Variants in C2orf69 observed in about 807,000 individuals in gnomAD.
The protein encoded by C2orf69 is chromosome 2 open reading frame 69.
C2orf69 carries 19 observed loss-of-function variants against 29.5 expected under a neutral mutation model. The ratio of observed to expected loss-of-function variants is 0.65; its 90% CI spans 0.45 to 0.95. The LOEUF is 0.95. C2orf69 is among the 40% of genes least tolerant of loss of function. The pLI is 0.00. For missense variants in C2orf69, 416 were observed against 482.1 expected, an observed-to-expected ratio of 0.86 and a Z score of 1.28; for synonymous variants, 194 against 180.0, an observed-to-expected ratio of 1.08 and a Z score of -0.62.
Position 199,925,836 on chromosome 2 carries a change from A to G in C2orf69, c.1108A>G (p.Lys370Glu), listed in dbSNP as rs758196949. ...MQVTSQIHFTKEAPSIENHFR... is the reference protein window; with the variant it reads ...MQVTSQIHFTEEAPSIENHFR... The stretch of plus-strand genomic sequence containing the variant: ...GGTGACTAGCCAAATTCATTTTACA[A>G]AGGAAGCTCCTTCCATAGAGAATCA... The change falls in exon 2 of 2, where the codon AAG becomes GAG. Residue 370 changes from lysine to glutamate, a missense_variant. Around this residue, in one of 4 missense-constraint regions of C2orf69, gnomAD observed 2 missense variants for 18.3 expected, o/e 0.11. Coordinates refer to ENST00000319974, the MANE Select transcript of C2orf69 (RefSeq NM_153689.6). This position sits in a 1 kb window ranked among gnomAD's most constrained non-coding sequence, Gnocchi z 4.9. 6.2e-7 allele frequency: 1 copy of G among 1,613,630 alleles called. No homozygotes were observed. Among genetic ancestry groups the G allele is most frequent in the Non-Finnish European group, 8.5e-7 (1 of 1,179,790 alleles).
In C2orf69 at chr2:199,911,381, T is replaced by C. The variant is rs994743929; in HGVS notation, c.-58T>C. On this transcript the variant is annotated 5_prime_UTR_variant, in exon 1 of 2. Transcript: ENST00000319974. ...CGGCTGAGCCGCCTGCTGAAGTCCC[T>C]CCCTCAGGAACCCCTCCGCCACCCT... 4 of 1,402,206 alleles carry C rather than the reference T, an allele frequency of 2.9e-6. No individual in the cohort carries two copies. In the African/African-American group the frequency reaches 6.1e-5, roughly 21 times the overall value. The allele number at this position is 1,402,206 out of a possible 1,614,324, so 86.9% of individuals were successfully genotyped here. A position where few individuals can be genotyped will look rare whatever the true frequency, so the allele number is the denominator to read the frequency against.
intron 1 of C2orf69, among the ~76,000 whole-genome samples, chr2:199,918,294 G>T (rs1203103522): frequency 6.6e-6 from 1 of 152,060 alleles, no homozygotes; most frequent in African/African-American, 2.4e-5. Context: ...TCCATTTTGA[G>T]TTATCTTTTT....
rs2077306629 is a variant in C2orf69, at chr2:199,919,699, C to T, written c.334-5363C>T. The stretch of plus-strand genomic sequence containing the variant: ...GCCAAATTCATCCTTTTATCAAGAA[C>T]CATTAATCCATTCATGAGGGCAGAG... On this transcript the variant is annotated intron_variant, in intron 1 of 1. Transcript: ENST00000319974. 2.0e-5 allele frequency among the ~76,000 whole-genome samples: 3 copies of T among 152,168 alleles called. No homozygotes were observed. The South Asian group carries it at 6.2e-4, about 32-fold the overall frequency.
intron 1 of C2orf69, among the ~76,000 whole-genome samples, chr2:199,914,261 A>C (rs918883791): frequency 2.0e-5 from 3 of 152,090 alleles, no homozygotes; most frequent in African/African-American, 7.2e-5. Context: ...ATATTCCCCA[A>C]ACTTTAGGCC....
rs1225501916 is a variant in C2orf69 at position 199,913,199 on chromosome 2, T to G, written c.333+1428T>G. On this transcript the variant is annotated intron_variant, in intron 1 of 1. Transcript: ENST00000319974. ...TATATAAAATTATATATATTATATA[T>G]AATATATAATATATTATATATAATA... is the stretch of plus-strand genomic sequence containing the variant. Among the ~76,000 whole-genome samples, 184 of 99,714 alleles carry G rather than the reference T, an allele frequency of 1.8e-3. 7 individuals are homozygous for G. Among genetic ancestry groups the G allele is most frequent in the African/African-American group, 6.5e-3 (159 of 24,470 alleles). 65.4% of individuals were successfully genotyped at this position (99,714 alleles called of 152,430 possible).
chr2:199,927,709 C>G lies in C2orf69; in HGVS notation c.*1823C>G, dbSNP rs1209947062. ...TTACATATTACATTGCCTTTAAGCACTATGATTGGATGGCTTTTTTTCTAT... is the reference window on the plus strand; with the variant it reads ...TTACATATTACATTGCCTTTAAGCAGTATGATTGGATGGCTTTTTTTCTAT... On this transcript the variant is annotated 3_prime_UTR_variant, in exon 2 of 2. Transcript: ENST00000319974. 1 of 151,860 alleles carries G rather than the reference C, an allele frequency of 6.6e-6. No individual in the cohort carries two copies. Among genetic ancestry groups the G allele is most frequent in the Non-Finnish European group, 1.5e-5 (1 of 67,966 alleles). 9.4% of individuals were successfully genotyped at this position (151,860 alleles called of 1,614,324 possible). A position where few individuals can be genotyped will look rare whatever the true frequency, so the allele number is the denominator to read the frequency against.
At chr2:199,913,533 A>G (rs2077282580) in intron 1 of C2orf69, among the ~76,000 whole-genome samples, 1 of 125,218 alleles carries the variant, frequency 8.0e-6, no homozygotes, top group Non-Finnish European at 1.6e-5. Context: ...AAAATATACT[A>G]TATAATATAT....
intron 1 of C2orf69, among the ~76,000 whole-genome samples, chr2:199,915,759 C>T (rs2077290567): frequency 6.6e-6 from 1 of 151,992 alleles, no homozygotes; most frequent in South Asian, 2.1e-4. Flanking sequence ...TCAGGTGATC[C>T]TCCCACCTCA....
intron 1 of C2orf69, among the ~76,000 whole-genome samples, chr2:199,912,687 C>A (rs2077270274): frequency 6.6e-6 from 1 of 152,136 alleles, no homozygotes; most frequent in Admixed American, 6.6e-5. Context: ...GTTGCCCAGG[C>A]TGGAGTGCAG....
chr2:199,911,317 G>C lies in C2orf69; in HGVS notation c.-122G>C. 1.6e-6 allele frequency: 2 copies of C among 1,230,002 alleles called. No individual in the cohort carries two copies. Among genetic ancestry groups the C allele is most frequent in the South Asian group, 1.9e-5 (1 of 51,658 alleles). 76.2% of individuals were successfully genotyped at this position (1,230,002 alleles called of 1,614,324 possible). On this transcript the variant is annotated 5_prime_UTR_variant, in exon 1 of 2. Coordinates refer to ENST00000319974, the MANE Select transcript of C2orf69 (RefSeq NM_153689.6). ...CCTCTGACGTCGTCGCCTCAGCGCC[G>C]GCTCCCGGCCGGGCCGCGGCCGCCG...
chr2:199,916,864 A>G (rs2106636387), intron 1 of C2orf69, among the ~76,000 whole-genome samples: 1 of 152,268 alleles, frequency 6.6e-6, no homozygotes, highest in South Asian at 2.1e-4. Flanking sequence ...CTGTTGGTTT[A>G]TCTACTATTC....
chr2:199,924,222 C>T (rs1001531968), intron 1 of C2orf69, among the ~76,000 whole-genome samples: 3 of 152,144 alleles, frequency 2.0e-5, no homozygotes, highest in Non-Finnish European at 2.9e-5. Flanking sequence ...GCCTGTGCAA[C>T]AAAGTGAGAC....
chr2:199,914,953 G>A (rs2077287764), intron 1 of C2orf69, among the ~76,000 whole-genome samples: 1 of 151,970 alleles, frequency 6.6e-6, no homozygotes. Context: ...TTTTCGTTTT[G>A]AGTTTTGTTT....
chr2:199,922,539 A>G (rs1490204040), intron 1 of C2orf69, among the ~76,000 whole-genome samples: 1 of 152,198 alleles, frequency 6.6e-6, no homozygotes, highest in Non-Finnish European at 1.5e-5. Flanking sequence ...TTATGCATAT[A>G]TGTAAGTATA....
At chr2:199,923,381 A>G (rs533196208) in intron 1 of C2orf69, among the ~76,000 whole-genome samples, 4 of 152,196 alleles carry the variant, frequency 2.6e-5, no homozygotes, top group Non-Finnish European at 5.9e-5. Flanking sequence ...TACTTGAGGA[A>G]CTAAATTTAA....
rs187090652 is a variant in C2orf69 at position 199,911,654 on chromosome 2, C to G, written c.216C>G (p.Leu72=). 18 of 1,549,182 alleles carry G rather than the reference C, an allele frequency of 1.2e-5. No individual in the cohort carries two copies. The highest frequency in any genetic ancestry group is 4.8e-5 in the South Asian group (4 of 83,992). The stretch of plus-strand genomic sequence containing the variant: ...ATCCGCAGCGCAGCAACGAATTGCT[C>G]CTGTTGGCGGCGGCCGGGGAGGGAC... The part of the protein sequence containing the change: ...GADPQRSNEL[L]LLAAAGEGLE... Residue 72 remains leucine, a synonymous_variant, in exon 1 of 2, where the codon CTC becomes CTG. Coordinates refer to ENST00000319974, the MANE Select transcript of C2orf69 (RefSeq NM_153689.6).
Position 199,925,727 on chromosome 2 carries a change from T to C in C2orf69, c.999T>C (p.Pro333=), listed in dbSNP as rs116069386. 97 of 1,613,930 alleles carry C rather than the reference T, an allele frequency of 6.0e-5. No homozygotes were observed. The African/African-American group carries it at 1.1e-3, about 19-fold the overall frequency. The change falls in exon 2 of 2, where the codon CCT becomes CCC. Residue 333 remains proline, a synonymous_variant. Coordinates refer to ENST00000319974, the MANE Select transcript of C2orf69 (RefSeq NM_153689.6). The surrounding 1 kb of genome is among the most constrained non-coding windows in gnomAD (Gnocchi z 4.9). ...TTATCGTTCACACTCATGTAACACC[T>C]TACCAAGTACGTGATCCAATGAGAT... is the stretch of plus-strand genomic sequence containing the variant. The part of the protein sequence containing the change: ...TGIIVHTHVT[P]YQVRDPMRSW...
At chr2:199,922,417 A>G (rs1185127781) in intron 1 of C2orf69, among the ~76,000 whole-genome samples, 1 of 152,084 alleles carries the variant, frequency 6.6e-6, no homozygotes, top group Non-Finnish European at 1.5e-5. Context: ...AAAAATACAA[A>G]TGGTTGCATA....
At chr2:199,913,406 T>TAATATATATTCTATTATATAA (rs2077280561) in intron 1 of C2orf69, among the ~76,000 whole-genome samples, 3 of 85,764 alleles carry the variant, frequency 3.5e-5, no homozygotes, top group African/African-American at 9.9e-5. Flanking sequence ...ATATTATATA[T>TAATATATATTCTATTATATAA]AATATATATT....
Sources: allele counts gnomAD v4.1 joint callset (sites outside exome capture counted in the v4.1 genomes callset), GRCh38; gene constraint gnomAD v4.1.1; regional missense constraint gnomAD v4.1.1; non-coding constraint Gnocchi (gnomAD v3.1); transcripts MANE v1.5; gene names NCBI Gene and HGNC (gene_info 2026-07-23, HGNC 2026-07-21).